PTPRT: variants seen among roughly 807,000 people sequenced by gnomAD.
PTPRT encodes the protein receptor-type tyrosine-protein phosphatase T.
In PTPRT, 56 loss-of-function variants were observed where a neutral mutation model predicts 176.8. The observed-to-expected ratio is 0.32, with a 90% CI of 0.26 to 0.40. The LOEUF is 0.40. Ranked by LOEUF, PTPRT falls within the 10% of genes least tolerant of loss-of-function variation. PTPRT has a pLI of 1.00. For missense variants in PTPRT, 1,540 were observed against 1,908.2 expected, an observed-to-expected ratio of 0.81 and a Z score of 3.60; for synonymous variants, 783 against 739.0, an observed-to-expected ratio of 1.06 and a Z score of -0.96.
chr20:42,798,134 G>A (rs1233389117), intron 2 of PTPRT, among the ~76,000 whole-genome samples: 7 of 151,972 alleles, frequency 4.6e-5, no homozygotes, highest in Non-Finnish European at 1.0e-4. Context: ...TGAAATCCAC[G>A]CCACCCAGCT....
intron 7 of PTPRT, among the ~76,000 whole-genome samples, chr20:42,641,678 G>A (rs2086635265): frequency 6.6e-6 from 1 of 152,104 alleles, no homozygotes; most frequent in South Asian, 2.1e-4. Context: ...CAAATGGCTT[G>A]GATGAGCCAT....
intron 1 of PTPRT, among the ~76,000 whole-genome samples, chr20:43,054,265 G>C (rs1176894061): frequency 2.0e-5 from 3 of 152,102 alleles, no homozygotes; most frequent in Non-Finnish European, 4.4e-5. Context: ...TTAAAACCTT[G>C]GTTCCCAGCC....
intron 1 of PTPRT, among the ~76,000 whole-genome samples, chr20:42,901,922 C>T (rs1025282984): frequency 1.3e-5 from 2 of 152,176 alleles, no homozygotes; most frequent in Admixed American, 6.5e-5. Flanking sequence ...ATATCATCTA[C>T]GGCTGCTTCC....
chr20:42,326,527 G>A (rs962824228), intron 11 of PTPRT, among the ~76,000 whole-genome samples: 2 of 152,062 alleles, frequency 1.3e-5, no homozygotes, highest in Admixed American at 1.3e-4. Flanking sequence ...TGTACACCAT[G>A]GAAAACAAGC....
intron 5 of PTPRT, among the ~76,000 whole-genome samples, chr20:42,762,960 G>A (rs937276316): frequency 6.6e-5 from 10 of 151,988 alleles, no homozygotes; most frequent in East Asian, 3.9e-4. Context: ...TGGATAAGTC[G>A]GCTTGGTTTG....
chr20:42,788,718 A>C (rs2077328675), intron 3 of PTPRT, among the ~76,000 whole-genome samples: 1 of 152,210 alleles, frequency 6.6e-6, no homozygotes, highest in African/African-American at 2.4e-5. Flanking sequence ...ATTACAAGAG[A>C]TAGCTGCGGG....
chr20:42,050,000 C>T, the PTPRT span, among the ~76,000 whole-genome samples: 1 of 152,262 alleles, frequency 6.6e-6, no homozygotes, highest in African/African-American at 2.4e-5. Context: ...TCTGAGCATA[C>T]CATCAGCATA....
At chr20:42,989,374 A>C (rs1983766959) in intron 1 of PTPRT, among the ~76,000 whole-genome samples, 2 of 152,230 alleles carry the variant, frequency 1.3e-5, no homozygotes, top group African/African-American at 2.4e-5. Flanking sequence ...AGATGACAAA[A>C]TGTAGCACTG....
At chr20:42,634,032 TTATA>T (rs1279316052) in intron 7 of PTPRT, among the ~76,000 whole-genome samples, 17 of 27,456 alleles carry the variant, frequency 6.2e-4, no homozygotes, top group African/African-American at 2.9e-3. Flanking sequence ...AATATATATA[TTATA>T]TATATTATAT....
chr20:42,083,005 G>A (rs750782), intron 29 of PTPRT, among the ~76,000 whole-genome samples: 73,841 of 151,176 alleles, frequency 0.49, 18,763 homozygotes, highest in East Asian at 0.71. Flanking sequence ...TGGTGTCTGT[G>A]GCCCTCAAGG....
chr20:42,534,390 T>C (rs1429791870), intron 7 of PTPRT, among the ~76,000 whole-genome samples: 1 of 152,092 alleles, frequency 6.6e-6, no homozygotes, highest in Non-Finnish European at 1.5e-5. Flanking sequence ...TCCCAGCACT[T>C]TGGGAGGCCG....
At chr20:42,881,815 C>G (rs943719718) in intron 2 of PTPRT, among the ~76,000 whole-genome samples, 4 of 149,988 alleles carry the variant, frequency 2.7e-5, no homozygotes, top group Non-Finnish European at 5.9e-5. Flanking sequence ...AAAACAAATT[C>G]TGGTGAGAAG....
chr20:42,278,254 C>A (rs1036085410), intron 13 of PTPRT, among the ~76,000 whole-genome samples: 1 of 140,482 alleles, frequency 7.1e-6, no homozygotes, highest in Non-Finnish European at 1.5e-5. Flanking sequence ...GTTTAAGAGG[C>A]CATCTTAAAG....
At position 43,151,317 on chromosome 20, in the gene PTPRT, C is replaced by CA. The variant is rs11347519; in HGVS notation, c.88+38328dup. On this transcript the variant is annotated intron_variant, in intron 1 of 30. Transcript: ENST00000373187. ...AACAGGAGCAAAACTCCGTCTCAAA[C>CA]AAAAAAAAAAAAAAAAAAGGCATGG... Among the ~76,000 whole-genome samples the CA allele has an allele frequency of 1.6e-3, 170 of 108,732 alleles. 1 individual carries two copies. The highest frequency in any genetic ancestry group is 5.2e-3 in the Middle Eastern group (1 of 192). The allele number at this position is 108,732 out of a possible 152,430, so 71.3% of individuals were successfully genotyped here. A position where few individuals can be genotyped will look rare whatever the true frequency, so the allele number is the denominator to read the frequency against.
intron 1 of PTPRT, among the ~76,000 whole-genome samples, chr20:42,992,818 TGGTGA>T (rs1169663777): frequency 3.3e-5 from 5 of 152,198 alleles, no homozygotes; most frequent in Admixed American, 6.5e-5. Context: ...AGCTAAGGGC[TGGTGA>T]GCACCTCTCT....
At chr20:42,346,168 C>A (rs1053307036) in intron 11 of PTPRT, among the ~76,000 whole-genome samples, 1 of 151,978 alleles carries the variant, frequency 6.6e-6, no homozygotes, top group Non-Finnish European at 1.5e-5. Flanking sequence ...GTCCAGAGGA[C>A]CAGTCTCCAT....
At chr20:42,802,936 A>C (rs1422288955) in intron 2 of PTPRT, among the ~76,000 whole-genome samples, 1 of 152,216 alleles carries the variant, frequency 6.6e-6, no homozygotes, top group Admixed American at 6.5e-5. Flanking sequence ...TAGGCTTGTT[A>C]CGTGAATTAA....
intron 9 of PTPRT, among the ~76,000 whole-genome samples, chr20:42,371,243 A>G (rs180805406): frequency 3.4e-4 from 52 of 152,320 alleles, no homozygotes; most frequent in African/African-American, 1.1e-3. Context: ...CGGTGAAGGA[A>G]TAAGGACATC....
chr20:42,058,730 A>G, the PTPRT span, among the ~76,000 whole-genome samples: 2 of 152,200 alleles, frequency 1.3e-5, no homozygotes, highest in African/African-American at 2.4e-5. Flanking sequence ...TGGCCTTTCC[A>G]GCTGGGCCCT....
Sources: gnomAD v4.1 joint callset for allele counts (sites outside exome capture counted in the v4.1 genomes callset) on GRCh38, gnomAD v4.1.1 for gene constraint, MANE v1.5 for transcripts, NCBI Gene and HGNC (gene_info 2026-07-23, HGNC 2026-07-21) for gene names.